SMAD1: variants seen among roughly 807,000 people sequenced by gnomAD.
SMAD1 encodes SMAD family member 1, also known as MAD, mothers against decapentaplegic homolog 1.
A neutral mutation model predicts 41.6 loss-of-function variants in SMAD1; 6 were observed. The ratio of observed to expected loss-of-function variants is 0.14; its 90% CI spans 0.08 to 0.28. The LOEUF (loss-of-function observed/expected upper bound fraction) is 0.28, where lower values mean the gene tolerates loss of function less well. SMAD1 is among the 10% of genes least tolerant of loss of function. The pLI, the probability that SMAD1 is intolerant of heterozygous loss-of-function variation, is 1.00. For synonymous variants in SMAD1, 206 were observed against 203.2 expected (o/e 1.01, Z -0.12); for missense variants, 379 against 582.6 (o/e 0.65, Z 3.60).
Position 145,557,856 on chromosome 4 carries a change from G to C in SMAD1, c.1320G>C (p.Leu440=). The stretch of plus-strand genomic sequence containing the variant: ...CCCCCTGCTGGATTGAGATACATCT[G>C]CACGGCCCCCTCCAGTGGCTGGATA... ...TSTPCWIEIH[L]HGPLQWLDKV... Residue 440 remains leucine (L), a synonymous_variant, in exon 7 of 7, where the codon CTG becomes CTC. Transcript: ENST00000302085. The C allele has an allele frequency of 6.2e-7, 1 of 1,612,544 alleles. No individual in the cohort carries two copies. Among genetic ancestry groups the C allele is most frequent in the South Asian group, 1.1e-5 (1 of 90,862 alleles).
chr4:145,538,881 A>G (rs1193425870), intron 2 of SMAD1, among the ~76,000 whole-genome samples: 1 of 152,024 alleles, frequency 6.6e-6, no homozygotes, highest in Non-Finnish European at 1.5e-5. Context: ...TCTGTAACTG[A>G]CTGTTAGCCA....
At chr4:145,501,152 T>A (rs1729413548) in intron 1 of SMAD1, among the ~76,000 whole-genome samples, 1 of 152,248 alleles carries the variant, frequency 6.6e-6, no homozygotes, top group Non-Finnish European at 1.5e-5. Context: ...TTGTTTCCAT[T>A]TTCAAAATAT....
chr4:145,529,779 A>G (rs1274201737), intron 2 of SMAD1, among the ~76,000 whole-genome samples: 8 of 152,216 alleles, frequency 5.3e-5, no homozygotes, highest in African/African-American at 1.9e-4. Flanking sequence ...ACAGCTACTT[A>G]GAGACATAGA....
At chr4:145,522,364 G>A (rs1311059158) in intron 2 of SMAD1, among the ~76,000 whole-genome samples, 2 of 152,144 alleles carry the variant, frequency 1.3e-5, no homozygotes, top group Admixed American at 1.3e-4. Context: ...CACTGTGGGA[G>A]GCCAAGGCGG....
chr4:145,527,786 A>G (rs1295593109), intron 2 of SMAD1, among the ~76,000 whole-genome samples: 1 of 151,974 alleles, frequency 6.6e-6, no homozygotes, highest in Non-Finnish European at 1.5e-5. Context: ...CACCAGCTGC[A>G]TGAGTTTTGG....
At chr4:145,523,061 G>A (rs922946806) in intron 2 of SMAD1, among the ~76,000 whole-genome samples, 9 of 152,096 alleles carry the variant, frequency 5.9e-5, no homozygotes, top group Non-Finnish European at 1.3e-4. Flanking sequence ...AAATATTTGG[G>A]ATTAATTAGC....
intron 1 of SMAD1, among the ~76,000 whole-genome samples, chr4:145,494,767 G>A (rs552662008): frequency 1.3e-5 from 2 of 152,286 alleles, no homozygotes; most frequent in Admixed American, 6.5e-5. Flanking sequence ...GGTATGTTGT[G>A]AGTTCATTGT....
At chr4:145,519,664 A>AAAG (rs1553946485) in intron 2 of SMAD1, among the ~76,000 whole-genome samples, 3,593 of 148,474 alleles carry the variant, frequency 0.024, 136 homozygotes, top group African/African-American at 0.077. Flanking sequence ...AAAAAAAAAA[A>AAAG]AACCCACTTT....
chr4:145,554,165 TATCTAGGCATTTTTA>T lies in SMAD1; in HGVS notation c.1254+127_1254+141del. On this transcript the variant is annotated intron_variant, in intron 6 of 6. Coordinates refer to ENST00000302085, the MANE Select transcript of SMAD1 (RefSeq NM_005900.3). ...CATATTATCATATTAGCTGACTTAT[TATCTAGGCATTTTTA>T]AACTTTAACAAAAATTTCAATTATT... The T allele has an allele frequency of 4.5e-6, 4 of 882,758 alleles. No homozygotes were observed. The South Asian group carries it at 7.5e-5, about 16-fold the overall frequency. 54.7% of individuals were successfully genotyped at this position (882,758 alleles called of 1,614,324 possible).
At chr4:145,508,573 T>TTTGCTCTATTGTTTTGCAAAA (rs1443567686) in intron 1 of SMAD1, among the ~76,000 whole-genome samples, 7 of 151,972 alleles carry the variant, frequency 4.6e-5, no homozygotes, top group Admixed American at 2.0e-4. Context: ...ACACAAAATG[T>TTTGCTCTATTGTTTTGCAAAA]TTGCTCTATT....
chr4:145,485,068 TTTA>T lies in SMAD1; in HGVS notation c.-177+3036_-177+3038del, dbSNP rs1459695527. 1.1e-4 allele frequency among the ~76,000 whole-genome samples: 16 copies of T among 152,104 alleles called. No individual in the cohort carries two copies. In the South Asian group the frequency reaches 1.9e-3, roughly 18 times the overall value. On this transcript the variant is annotated intron_variant, in intron 1 of 6. Coordinates refer to ENST00000302085, the MANE Select transcript of SMAD1 (RefSeq NM_005900.3). ...AGTCACACGTAGCTTTTTTTGAAAT[TTTA>T]TTATTCTATTTTTTTGAGACAGGGT...
At chr4:145,484,416 C>T (rs1728361202) in intron 1 of SMAD1, 1 of 152,144 alleles carries the variant, frequency 6.6e-6, no homozygotes, top group South Asian at 2.1e-4. Flanking sequence ...ATCAGGATGA[C>T]ATGGGGTCAG....
At chr4:145,491,477 T>C (rs939770611) in intron 1 of SMAD1, among the ~76,000 whole-genome samples, 8 of 152,156 alleles carry the variant, frequency 5.3e-5, no homozygotes, top group Admixed American at 5.2e-4. Flanking sequence ...ACACAATGTT[T>C]TGGTTATGTC....
Position 145,482,169 on chromosome 4 carries a change from T to G in SMAD1, c.-177+131T>G, listed in dbSNP as rs1473297869. 4.1e-5 allele frequency: 6 copies of G among 146,820 alleles called. No individual in the cohort carries two copies. The highest frequency in any genetic ancestry group is 4.0e-4 in the Admixed American group (6 of 14,854). The allele number at this position is 146,820 out of a possible 1,614,324, so 9.1% of individuals were successfully genotyped here. Reference sequence around the variant, plus strand: ...TGGGGCCGCCGCGGTCGTGCTGGGCTGGGGGCGCGGGCAGCGGCGGGAAGG... The same window carrying G: ...TGGGGCCGCCGCGGTCGTGCTGGGCGGGGGGCGCGGGCAGCGGCGGGAAGG... On this transcript the variant is annotated intron_variant, in intron 1 of 6. Coordinates refer to ENST00000302085, the MANE Select transcript of SMAD1 (RefSeq NM_005900.3). The surrounding 1 kb of genome is among the most constrained non-coding windows in gnomAD (Gnocchi z 4.2).
At chr4:145,551,217 A>G (rs1211428812) in intron 5 of SMAD1, among the ~76,000 whole-genome samples, 1 of 152,250 alleles carries the variant, frequency 6.6e-6, no homozygotes, top group African/African-American at 2.4e-5. Flanking sequence ...AATATAATGT[A>G]TGTTAAATGA....
chr4:145,506,550 G>T (rs1729796749), intron 1 of SMAD1, among the ~76,000 whole-genome samples: 1 of 152,034 alleles, frequency 6.6e-6, no homozygotes, highest in Non-Finnish European at 1.5e-5. Flanking sequence ...TTATAAAACA[G>T]CCTCTAGTCT....
intron 1 of SMAD1, among the ~76,000 whole-genome samples, chr4:145,492,436 A>G (rs1488368863): frequency 6.6e-6 from 1 of 152,236 alleles, no homozygotes; most frequent in Non-Finnish European, 1.5e-5. Context: ...TATAAAGGAT[A>G]TTAAAAAGGA....
intron 1 of SMAD1, among the ~76,000 whole-genome samples, chr4:145,483,625 ACT>A (rs1300989619): frequency 6.6e-6 from 1 of 151,408 alleles, no homozygotes; most frequent in East Asian, 1.9e-4. Context: ...GCCCTCTCCC[ACT>A]CTCTTTCCCA....
chr4:145,557,949 C>G lies in SMAD1; in HGVS notation c.*15C>G. On this transcript the variant is annotated 3_prime_UTR_variant, in exon 7 of 7. Coordinates refer to ENST00000302085, the MANE Select transcript of SMAD1 (RefSeq NM_005900.3). ...CTGTATCTTAAATGGCCCCAGGCAT[C>G]TGCCTCTGGAAAACTATTGAGCCTT... The G allele has an allele frequency of 6.3e-7, 1 of 1,587,408 alleles. No individual in the cohort carries two copies. The highest frequency in any genetic ancestry group is 8.6e-7 in the Non-Finnish European group (1 of 1,164,272).
Sources: gnomAD v4.1 joint callset for allele counts (sites outside exome capture counted in the v4.1 genomes callset) on GRCh38, gnomAD v4.1.1 for gene constraint, Gnocchi (gnomAD v3.1) non-coding constraint, MANE v1.5 for transcripts, NCBI Gene and HGNC (gene_info 2026-07-23, HGNC 2026-07-21) for gene names.